The following EAF2 variants were observed in gnomAD, a reference collection of about 807,000 sequenced individuals.
EAF2 encodes the protein ELL associated factor 2, also known as ELL-associated factor 2.
Under a neutral mutation model 29.4 loss-of-function variants are expected in EAF2, and 29 were observed. That is an observed-to-expected ratio of 0.99 (90% CI 0.73 to 1.35). EAF2 has a LOEUF of 1.35. Ranked by LOEUF, EAF2 falls within the 40% of genes most tolerant of loss-of-function variation. The pLI, the probability that EAF2 is intolerant of heterozygous loss-of-function variation, is 0.00. For synonymous variants in EAF2, 103 were observed against 102.5 expected (o/e 1.00, Z -0.03); for missense variants, 292 against 312.0 (o/e 0.94, Z 0.48).
At position 121,872,466 on chromosome 3, in the gene EAF2, C is replaced by T. The variant is rs1576654510; in HGVS notation, c.485-71C>T. On this transcript the variant is annotated intron_variant, in intron 4 of 5. Coordinates refer to ENST00000273668, the MANE Select transcript of EAF2 (RefSeq NM_018456.6). Reference sequence around the variant, plus strand: ...TTCAACAGTTTCTTAAAAACTAATACATTCAATTTTTATTATATTTATTTA... The same window carrying T: ...TTCAACAGTTTCTTAAAAACTAATATATTCAATTTTTATTATATTTATTTA... The T allele has an allele frequency of 2.5e-5, 29 of 1,172,344 alleles. 1 individual carries two copies. In the South Asian group the frequency reaches 5.0e-4, roughly 20 times the overall value. The allele number at this position is 1,172,344 out of a possible 1,614,324, so 72.6% of individuals were successfully genotyped here. A position where few individuals can be genotyped will look rare whatever the true frequency, so the allele number is the denominator to read the frequency against.
chr3:121,856,983 T>G, intron 3 of EAF2, 28 bp from the exon 4 acceptor site: 1 of 1,594,616 alleles, frequency 6.3e-7, no homozygotes, highest in Non-Finnish European at 8.5e-7. Flanking sequence ...GTCATACCTG[T>G]TTCAATATTT....
intron 5 of EAF2, among the ~76,000 whole-genome samples, chr3:121,873,533 G>A (rs1709051471): frequency 6.6e-6 from 1 of 151,634 alleles, no homozygotes; most frequent in Non-Finnish European, 1.5e-5. Flanking sequence ...CCTTTATGTA[G>A]TCAAGCCCAT....
At chr3:121,861,286 T>C (rs1708825509) in intron 4 of EAF2, among the ~76,000 whole-genome samples, 1 of 152,052 alleles carries the variant, frequency 6.6e-6, no homozygotes, top group Admixed American at 6.5e-5. Flanking sequence ...AGTCTCCCAT[T>C]ATTATTGTTT....
rs191532939 is a variant in EAF2, at chr3:121,879,540, A to C, written c.736+6752A>C. On this transcript the variant is annotated intron_variant, in intron 5 of 5. Coordinates refer to ENST00000273668, the MANE Select transcript of EAF2 (RefSeq NM_018456.6). ...TTTCAGGTCTTAGAATTGAGTCTTT[A>C]ATCCATTTTGATTTTATTTTTGTTT... is the stretch of plus-strand genomic sequence containing the variant. Among the ~76,000 whole-genome samples the C allele has an allele frequency of 2.9e-3, 440 of 151,732 alleles. 2 individuals are homozygous for C. The highest frequency in any genetic ancestry group is 0.01 in the African/African-American group (417 of 41,438).
At chr3:121,852,799 TTA>T (rs1366001912) in intron 2 of EAF2, among the ~76,000 whole-genome samples, 3 of 152,204 alleles carry the variant, frequency 2.0e-5, no homozygotes, top group Non-Finnish European at 2.9e-5. Flanking sequence ...GATAAAATTA[TTA>T]TGATAAATCC....
At position 121,883,401 on chromosome 3, in the gene EAF2, A is replaced by G. The variant is rs1235842878; in HGVS notation, c.737-2941A>G. On this transcript the variant is annotated intron_variant, in intron 5 of 5. Transcript: ENST00000273668. Reference sequence around the variant, plus strand: ...AAAATTTTTGAAAAGTTTTTAAAAAATACAAAACAAAATCATCTTCAGTTT... The same window carrying G: ...AAAATTTTTGAAAAGTTTTTAAAAAGTACAAAACAAAATCATCTTCAGTTT... Among the ~76,000 whole-genome samples the G allele has an allele frequency of 1.4e-4, 21 of 152,240 alleles. 1 individual carries two copies. Among genetic ancestry groups the G allele is most frequent in the Admixed American group, 1.4e-3 (21 of 15,288 alleles).
At chr3:121,865,672 AT>A (rs63267061) in intron 4 of EAF2, among the ~76,000 whole-genome samples, 16,277 of 151,954 alleles carry the variant, frequency 0.11, 925 homozygotes, top group South Asian at 0.16. Flanking sequence ...ATAAAAAAAA[AT>A]ATTTTTTTAA....
In EAF2 at chr3:121,836,773, C is replaced by G. The variant is rs1014645756; in HGVS notation, c.106+1382C>G. 6 of 987,408 alleles carry G rather than the reference C, an allele frequency of 6.1e-6. No individual in the cohort carries two copies. The African/African-American group carries it at 1.0e-4, about 17-fold the overall frequency. The allele number at this position is 987,408 out of a possible 1,614,324, so 61.2% of individuals were successfully genotyped here. ...CTTTTTCTCAAATAGTATCTACTCT[C>G]TCCTTTTCTCTTCCTTCTCAGGTAT... On this transcript the variant is annotated intron_variant, in intron 1 of 5. Transcript: ENST00000273668.
At chr3:121,858,572 C>G (rs1708766592) in intron 4 of EAF2, among the ~76,000 whole-genome samples, 1 of 152,014 alleles carries the variant, frequency 6.6e-6, no homozygotes, top group African/African-American at 2.4e-5. Flanking sequence ...GATATTAGCC[C>G]TTTGTAAAAT....
intron 5 of EAF2, among the ~76,000 whole-genome samples, chr3:121,885,236 A>G (rs1290403089): frequency 6.6e-6 from 1 of 152,172 alleles, no homozygotes; most frequent in Non-Finnish European, 1.5e-5. Flanking sequence ...CCTAAATTCA[A>G]TGTTTTAATT....
At chr3:121,877,584 G>T (rs938543119) in intron 5 of EAF2, among the ~76,000 whole-genome samples, 4 of 151,554 alleles carry the variant, frequency 2.6e-5, no homozygotes, top group Admixed American at 6.6e-5. Flanking sequence ...AAATTTCAAA[G>T]CACATGCCAA....
In EAF2 at chr3:121,885,499, T is replaced by A. The variant is rs1709267514; in HGVS notation, c.737-843T>A. 2.6e-5 allele frequency among the ~76,000 whole-genome samples: 4 copies of A among 152,218 alleles called. No homozygotes were observed. The South Asian group carries it at 8.3e-4, about 32-fold the overall frequency. ...TTACATTTTCAAACAAAATCCAAAG[T>A]TTTTACCATGACCTTGTGGATATCT... On this transcript the variant is annotated intron_variant, in intron 5 of 5. Transcript: ENST00000273668.
At chr3:121,862,274 T>G (rs1708846421) in intron 4 of EAF2, among the ~76,000 whole-genome samples, 1 of 152,240 alleles carries the variant, frequency 6.6e-6, no homozygotes, top group Admixed American at 6.5e-5. Flanking sequence ...GTTTTCCAAC[T>G]TGTTTCCATT....
intron 5 of EAF2, among the ~76,000 whole-genome samples, chr3:121,886,097 G>A (rs560104029): frequency 1.3e-5 from 2 of 152,168 alleles, no homozygotes; most frequent in South Asian, 4.2e-4. Flanking sequence ...GAGTGATGGG[G>A]ATATGTGAAA....
intron 1 of EAF2, among the ~76,000 whole-genome samples, chr3:121,837,049 TAAAC>T (rs10576040): frequency 0.25 from 37,301 of 151,670 alleles, 4,864 homozygotes; most frequent in Non-Finnish European, 0.28. Flanking sequence ...AGAATGAAAA[TAAAC>T]AAAAATAAGC....
chr3:121,861,594 A>G (rs984759766), intron 4 of EAF2, among the ~76,000 whole-genome samples: 1 of 152,106 alleles, frequency 6.6e-6, no homozygotes, highest in Non-Finnish European at 1.5e-5. Flanking sequence ...TCCTGAATAC[A>G]GTGCACTGAT....
chr3:121,836,516 A>T, intron 1 of EAF2: 1 of 430,144 alleles, frequency 2.3e-6, no homozygotes, highest in Non-Finnish European at 3.1e-6. Context: ...GAATATATTT[A>T]CTAAAAGGGT....
chr3:121,840,088 G>A (rs2107492701), intron 1 of EAF2, among the ~76,000 whole-genome samples: 1 of 150,930 alleles, frequency 6.6e-6, no homozygotes, highest in South Asian at 2.1e-4. Flanking sequence ...CTTCTTGGAA[G>A]GCTGAGACAG....
chr3:121,851,993 T>G (rs2107512863), intron 2 of EAF2, among the ~76,000 whole-genome samples: 1 of 152,278 alleles, frequency 6.6e-6, no homozygotes, highest in Non-Finnish European at 1.5e-5. Flanking sequence ...AGGGAGAAAG[T>G]TTACATTTAT....
Sources: allele counts gnomAD v4.1 joint callset (sites outside exome capture counted in the v4.1 genomes callset), GRCh38; gene constraint gnomAD v4.1.1; transcripts MANE v1.5; gene names NCBI Gene and HGNC (gene_info 2026-07-23, HGNC 2026-07-21).